FZD7: variants seen among roughly 807,000 people sequenced by gnomAD.
FZD7 encodes the protein frizzled class receptor 7.
Under a neutral mutation model 39.0 loss-of-function variants are expected in FZD7, and 21 were observed. That is an observed-to-expected ratio of 0.54 (90% confidence interval 0.38 to 0.78). The LOEUF (loss-of-function observed/expected upper bound fraction) is 0.78, where lower values mean the gene tolerates loss of function less well. Among genes scored for constraint, FZD7 ranks in the 30% least tolerant of loss-of-function variants. The probability of loss-of-function intolerance (pLI) is 0.00; values close to 1 mark genes in which losing one functional copy is unlikely to be tolerated. For synonymous variants in FZD7, 428 were observed against 364.9 expected, an observed-to-expected ratio of 1.17 and a Z score of -1.97; for missense variants, 695 against 805.0, an observed-to-expected ratio of 0.86 and a Z score of 1.65.
In FZD7 at chr2:202,034,718, G is replaced by A. The variant is rs35111363; in HGVS notation, c.71G>A (p.Gly24Asp). 7 of 1,611,008 alleles carry A rather than the reference G, an allele frequency of 4.3e-6. No individual in the cohort carries two copies. The highest frequency in any genetic ancestry group is 5.1e-6 in the Non-Finnish European group (6 of 1,179,674). The change falls in exon 1 of 1, where the codon GGC becomes GAC. Residue 24 changes from glycine to aspartate, a missense_variant. Gly to Asp is a moderately conservative substitution (Grantham distance 94). Coordinates refer to ENST00000286201, the MANE Select transcript of FZD7 (RefSeq NM_003507.2). ...GLCALVLALL[G>D]ALSAGAGAQP... ...TGTGCCCTGGTGCTGGCGCTGCTGG[G>A]CGCACTGTCCGCGGGCGCCGGGGCG...
Position 202,034,793 on chromosome 2 carries a change from G to A in FZD7, c.146G>A (p.Cys49Tyr). 1 of 1,613,220 alleles carries A rather than the reference G, an allele frequency of 6.2e-7. No homozygotes were observed. The highest frequency in any genetic ancestry group is 8.5e-7 in the Non-Finnish European group (1 of 1,180,020). ...ATCTCCGTGCCGGACCACGGCTTCT[G>A]CCAGCCCATCTCCATCCCGCTGTGC... ...KGISVPDHGF[C>Y]QPISIPLCTD... The change falls in exon 1 of 1, where the codon TGC becomes TAC. Residue 49 changes from cysteine (C) to tyrosine (Y), a missense_variant. By Grantham distance (194) the Cys-to-Tyr change is radical. Transcript: ENST00000286201.
chr2:202,036,167 C>T lies in FZD7; in HGVS notation c.1520C>T (p.Thr507Met). Reference protein sequence around the residue: ...EHWERTWLLQTCKSYAVPCPP... With the variant: ...EHWERTWLLQMCKSYAVPCPP... ...TGGGAGCGCACCTGGCTCCTGCAGA[C>T]GTGCAAGAGCTATGCCGTGCCCTGC... is the stretch of plus-strand genomic sequence containing the variant. Residue 507 changes from threonine to methionine, a missense_variant, in exon 1 of 1, where the codon ACG becomes ATG. By Grantham distance (81) the Thr-to-Met change is moderately conservative. Transcript: ENST00000286201. 3 of 1,613,452 alleles carry T rather than the reference C, an allele frequency of 1.9e-6. No homozygotes were observed. Among genetic ancestry groups the T allele is most frequent in the Non-Finnish European group, 1.7e-6 (2 of 1,179,892 alleles).
rs1688748479 is a variant in FZD7 at position 202,036,604 on chromosome 2, AGAT to A, written c.*239_*241del. The A allele has an allele frequency of 5.4e-6, 3 of 559,464 alleles. No individual in the cohort carries two copies. The highest frequency in any genetic ancestry group is 3.8e-5 in the African/African-American group (2 of 53,120). 34.7% of individuals were successfully genotyped at this position (559,464 alleles called of 1,614,324 possible). ...AGATTTCAGGCAAAGACTTGCAGGAAGATGATGATAACGGCGATGTGAATCGTC... is the reference window on the plus strand; with the variant it reads ...AGATTTCAGGCAAAGACTTGCAGGAAGATGATAACGGCGATGTGAATCGTC... On this transcript the variant is annotated 3_prime_UTR_variant, in exon 1 of 1. Transcript: ENST00000286201.
rs773573783 is a variant in FZD7 at position 202,034,749 on chromosome 2, G to C, written c.102G>C (p.Pro34=). 3 of 1,612,354 alleles carry C rather than the reference G, an allele frequency of 1.9e-6. No homozygotes were observed. The highest frequency in any genetic ancestry group is 8.5e-7 in the Non-Finnish European group (1 of 1,179,940). The change falls in exon 1 of 1, where the codon CCG becomes CCC. Residue 34 remains proline, a synonymous_variant. Coordinates refer to ENST00000286201, the MANE Select transcript of FZD7 (RefSeq NM_003507.2). ...TGTCCGCGGGCGCCGGGGCGCAGCC[G>C]TACCACGGAGAGAAGGGCATCTCCG... ...GALSAGAGAQ[P]YHGEKGISVP... is the part of the protein sequence containing the mutation.
At position 202,035,382 on chromosome 2, in the gene FZD7, T is replaced by C. The variant is rs754605178; in HGVS notation, c.735T>C (p.Phe245=). ...GCCGTGCCAACGGCCTGATGTACTT[T>C]AAGGAGGAGGAGAGGCGCTTCGCCC... The part of the protein sequence containing the change: ...EPGRANGLMY[F]KEEERRFARL... Residue 245 remains phenylalanine, a synonymous_variant, in exon 1 of 1, where the codon TTT becomes TTC. Coordinates refer to ENST00000286201, the MANE Select transcript of FZD7 (RefSeq NM_003507.2). 1.2e-6 allele frequency: 2 copies of C among 1,612,936 alleles called. No individual in the cohort carries two copies. Among genetic ancestry groups the C allele is most frequent in the African/African-American group, 1.3e-5 (1 of 74,912 alleles).
Position 202,033,930 on chromosome 2 carries a change from CGAGGGGCTGG to C in FZD7, c.-717_-708del, listed in dbSNP as rs1559183732. On this transcript the variant is annotated 5_prime_UTR_variant, in exon 1 of 1. Transcript: ENST00000286201. ...GCGCCAGGACTCGCTGCTGGGGCTGCGAGGGGCTGGAGGGGCCGGGGCCAGGCCGCGGGCA... is the reference window on the plus strand; with the variant it reads ...GCGCCAGGACTCGCTGCTGGGGCTGCAGGGGCCGGGGCCAGGCCGCGGGCA... Among the ~76,000 whole-genome samples the C allele has an allele frequency of 6.7e-6, 1 of 149,130 alleles. No individual in the cohort carries two copies. The highest frequency in any genetic ancestry group is 2.5e-5 in the African/African-American group (1 of 40,348).
rs564817033 is a variant in FZD7 at position 202,037,056 on chromosome 2, G to C, written c.*684G>C. On this transcript the variant is annotated 3_prime_UTR_variant, in exon 1 of 1. Transcript: ENST00000286201. ...AGAATCCTAATGTGAGGATGCAAAA[G>C]AAATGATGATAACATTTTGAGATAA... 1 of 167,264 alleles carries C rather than the reference G, an allele frequency of 6.0e-6. No homozygotes were observed. Among genetic ancestry groups the C allele is most frequent in the East Asian group, 1.9e-4 (1 of 5,188 alleles). 10.4% of individuals were successfully genotyped at this position (167,264 alleles called of 1,614,324 possible). A position where few individuals can be genotyped will look rare whatever the true frequency, so the allele number is the denominator to read the frequency against.
Position 202,035,477 on chromosome 2 carries a change from T to C in FZD7, c.830T>C (p.Val277Ala), listed in dbSNP as rs757874303. Reference sequence around the variant, plus strand: ...CTCTTTACCGTTCTCACCTACCTGGTGGACATGCGGCGCTTCAGCTACCCA... The same window carrying C: ...CTCTTTACCGTTCTCACCTACCTGGCGGACATGCGGCGCTTCAGCTACCCA... ...STLFTVLTYL[V>A]DMRRFSYPER... is the part of the protein sequence containing the mutation. Residue 277 changes from valine to alanine, a missense_variant, in exon 1 of 1, where the codon GTG (valine) becomes GCG (alanine). Coordinates refer to ENST00000286201, the MANE Select transcript of FZD7 (RefSeq NM_003507.2). 1 of 1,614,172 alleles carries C rather than the reference T, an allele frequency of 6.2e-7. No homozygotes were observed.
rs1230100560 is a variant in FZD7 at position 202,035,019 on chromosome 2, C to G, written c.372C>G (p.Cys124Trp). Residue 124 changes from cysteine to tryptophan, a missense_variant, in exon 1 of 1, where the codon TGC (cysteine) becomes TGG (tryptophan). By Grantham distance (215) the Cys-to-Trp change is radical. Coordinates refer to ENST00000286201, the MANE Select transcript of FZD7 (RefSeq NM_003507.2). Reference sequence around the variant, plus strand: ...CCATCCCGCCGTGTCGTTCTCTGTGCGAGCGCGCCCGCCAGGGCTGCGAGG... The same window carrying G: ...CCATCCCGCCGTGTCGTTCTCTGTGGGAGCGCGCCCGCCAGGGCTGCGAGG... ...DQAIPPCRSLCERARQGCEAL... is the reference protein window; with the variant it reads ...DQAIPPCRSLWERARQGCEAL... 6.2e-7 allele frequency: 1 copy of G among 1,613,232 alleles called. No homozygotes were observed. Among genetic ancestry groups the G allele is most frequent in the Non-Finnish European group, 8.5e-7 (1 of 1,179,916 alleles).
Position 202,035,548 on chromosome 2 carries a change from G to A in FZD7, c.901G>A (p.Val301Met). The change falls in exon 1 of 1, where the codon GTG (valine) becomes ATG (methionine). Residue 301 changes from valine to methionine, a missense_variant. By Grantham distance (21) the Val-to-Met change is conservative. Coordinates refer to ENST00000286201, the MANE Select transcript of FZD7 (RefSeq NM_003507.2). ...FLSGCYFMVA[V>M]AHVAGFLLED... The stretch of plus-strand genomic sequence containing the variant: ...GTCGGGCTGCTACTTCATGGTGGCC[G>A]TGGCGCACGTGGCCGGCTTCCTTCT... The A allele has an allele frequency of 6.2e-7, 1 of 1,614,162 alleles. No individual in the cohort carries two copies. The highest frequency in any genetic ancestry group is 8.5e-7 in the Non-Finnish European group (1 of 1,180,034).
rs1381087613 is a variant in FZD7 at position 202,036,597 on chromosome 2, T to TG, written c.*226dup. The stretch of plus-strand genomic sequence containing the variant: ...GATGAAAAGATTTCAGGCAAAGACT[T>TG]GCAGGAAGATGATGATAACGGCGAT... On this transcript the variant is annotated 3_prime_UTR_variant, in exon 1 of 1. Transcript: ENST00000286201. 4 of 566,306 alleles carry TG rather than the reference T, an allele frequency of 7.1e-6. No individual in the cohort carries two copies. The highest frequency in any genetic ancestry group is 1.3e-5 in the Non-Finnish European group (4 of 311,016). 35.1% of individuals were successfully genotyped at this position (566,306 alleles called of 1,614,324 possible). A position where few individuals can be genotyped will look rare whatever the true frequency, so the allele number is the denominator to read the frequency against.
Position 202,035,509 on chromosome 2 carries a change from C to T in FZD7, c.862C>T (p.Pro288Ser). The part of the protein sequence containing the change: ...DMRRFSYPER[P>S]IIFLSGCYFM... ...GCGGCGCTTCAGCTACCCAGAGCGG[C>T]CCATCATCTTCCTGTCGGGCTGCTA... Residue 288 changes from proline to serine, a missense_variant, in exon 1 of 1, where the codon CCC (proline) becomes TCC (serine). Pro to Ser is a moderately conservative substitution (Grantham distance 74). Transcript: ENST00000286201. The T allele has an allele frequency of 6.2e-7, 1 of 1,614,190 alleles. No homozygotes were observed. Among genetic ancestry groups the T allele is most frequent in the Non-Finnish European group, 8.5e-7 (1 of 1,180,032 alleles).
chr2:202,034,764 G>C lies in FZD7; in HGVS notation c.117G>C (p.Lys39Asn). Residue 39 changes from lysine to asparagine, a missense_variant, in exon 1 of 1, where the codon AAG (lysine) becomes AAC (asparagine). By Grantham distance (94) the Lys-to-Asn change is moderately conservative. Coordinates refer to ENST00000286201, the MANE Select transcript of FZD7 (RefSeq NM_003507.2). Reference protein sequence around the residue: ...GAGAQPYHGEKGISVPDHGFC... With the variant: ...GAGAQPYHGENGISVPDHGFC... ...GGGCGCAGCCGTACCACGGAGAGAA[G>C]GGCATCTCCGTGCCGGACCACGGCT... 1 of 1,612,630 alleles carries C rather than the reference G, an allele frequency of 6.2e-7. No homozygotes were observed. The highest frequency in any genetic ancestry group is 2.0e-4 in the Middle Eastern group (1 of 4,894).
rs1437115779 is a variant in FZD7 at position 202,038,144 on chromosome 2, T to A, written c.*1772T>A. ...TGTTCACTTGAGTGGAACTGCTTTT[T>A]ACATTAAAGTTAAAATCGATCTTGT... On this transcript the variant is annotated 3_prime_UTR_variant, in exon 1 of 1. Transcript: ENST00000286201. 1 of 153,882 alleles carries A rather than the reference T, an allele frequency of 6.5e-6. No homozygotes were observed. Among genetic ancestry groups the A allele is most frequent in the African/African-American group, 2.6e-5 (1 of 38,316 alleles). 9.5% of individuals were successfully genotyped at this position (153,882 alleles called of 1,614,324 possible).
In FZD7 at chr2:202,034,574, C is replaced by T. The variant is rs1423467302; in HGVS notation, c.-74C>T. On this transcript the variant is annotated 5_prime_UTR_variant, in exon 1 of 1. Transcript: ENST00000286201. ...CATGCGTCGGGCGCGGCGGCGCCTC[C>T]CCGCATCCAAGCCTCTCCCAACCGC... 3.8e-6 allele frequency: 5 copies of T among 1,304,938 alleles called. No individual in the cohort carries two copies. The highest frequency in any genetic ancestry group is 5.1e-6 in the Non-Finnish European group (5 of 976,906). 80.8% of individuals were successfully genotyped at this position (1,304,938 alleles called of 1,614,324 possible). A position where few individuals can be genotyped will look rare whatever the true frequency, so the allele number is the denominator to read the frequency against.
Position 202,035,031 on chromosome 2 carries a change from C to G in FZD7, c.384C>G (p.Arg128=). Residue 128 remains arginine (R), a synonymous_variant, in exon 1 of 1, where the codon CGC becomes CGG. Coordinates refer to ENST00000286201, the MANE Select transcript of FZD7 (RefSeq NM_003507.2). ...PPCRSLCERA[R]QGCEALMNKF... is the part of the protein sequence containing the mutation. ...GTCGTTCTCTGTGCGAGCGCGCCCG[C>G]CAGGGCTGCGAGGCGCTCATGAACA... 1 of 1,613,408 alleles carries G rather than the reference C, an allele frequency of 6.2e-7. No homozygotes were observed. Among genetic ancestry groups the G allele is most frequent in the Non-Finnish European group, 8.5e-7 (1 of 1,179,908 alleles).
rs1482347697 is a variant in FZD7, at chr2:202,034,871, A to T, written c.224A>T (p.Asn75Ile). Residue 75 changes from asparagine to isoleucine, a missense_variant, in exon 1 of 1, where the codon AAC becomes ATC. Physicochemically the swap from Asn to Ile is moderately radical, Grantham distance 149 (BLOSUM62 -3). Transcript: ENST00000286201. ...TILPNLLGHT[N>I]QEDAGLEVHQ... is the part of the protein sequence containing the mutation. ...CTGCCCAACCTGCTGGGCCACACGA[A>T]CCAAGAGGACGCGGGCCTCGAGGTG... is the stretch of plus-strand genomic sequence containing the variant. 1 of 1,614,108 alleles carries T rather than the reference A, an allele frequency of 6.2e-7. No individual in the cohort carries two copies. The highest frequency in any genetic ancestry group is 1.7e-5 in the Admixed American group (1 of 60,028).
chr2:202,036,755 C>T lies in FZD7; in HGVS notation c.*383C>T. The T allele has an allele frequency of 4.2e-6, 1 of 238,928 alleles. No individual in the cohort carries two copies. The highest frequency in any genetic ancestry group is 1.7e-3 in the Middle Eastern group (1 of 590). 14.8% of individuals were successfully genotyped at this position (238,928 alleles called of 1,614,324 possible). ...ATCCCCCTGCTGCAGGGCGAGTGGC[C>T]TGTCCAGACCCCTGTGAGGCCCCGG... is the stretch of plus-strand genomic sequence containing the variant. On this transcript the variant is annotated 3_prime_UTR_variant, in exon 1 of 1. Transcript: ENST00000286201.
rs550439663 is a variant in FZD7, at chr2:202,038,334, A to G, written c.*1962A>G. On this transcript the variant is annotated 3_prime_UTR_variant, in exon 1 of 1. Coordinates refer to ENST00000286201, the MANE Select transcript of FZD7 (RefSeq NM_003507.2). ...ATCTCCCATTTTTGTAAGAAAATAT[A>G]TATTGTATTTATACATTTTTACTTT... 25 of 167,002 alleles carry G rather than the reference A, an allele frequency of 1.5e-4. No individual in the cohort carries two copies. Among genetic ancestry groups the G allele is most frequent in the Non-Finnish European group, 2.6e-4 (18 of 68,110 alleles). 10.3% of individuals were successfully genotyped at this position (167,002 alleles called of 1,614,324 possible). A position where few individuals can be genotyped will look rare whatever the true frequency, so the allele number is the denominator to read the frequency against.
Sources: allele counts gnomAD v4.1 joint callset (sites outside exome capture counted in the v4.1 genomes callset), GRCh38; gene constraint gnomAD v4.1.1; transcripts MANE v1.5; gene names NCBI Gene and HGNC (gene_info 2026-07-23, HGNC 2026-07-21).